The following MUC3A variants were observed in gnomAD, a reference collection of about 807,000 sequenced individuals.
MUC3A encodes mucin-3A.
Under a neutral mutation model 109.0 loss-of-function variants are expected in MUC3A, and 109 were observed. That is an observed-to-expected ratio of 1.00 (90% CI 0.86 to 1.17). The LOEUF is 1.17. Among genes scored for constraint, MUC3A ranks in the 50% most tolerant of loss-of-function variants. MUC3A has a pLI of 0.00. For missense variants in MUC3A, 3,537 were observed against 2,469.4 expected, an observed-to-expected ratio of 1.43 and a Z score of -9.16; for synonymous variants, 1,398 against 981.4, an observed-to-expected ratio of 1.42 and a Z score of -7.93.
chr7:100,957,426 G>T lies in MUC3A; in HGVS notation c.5647G>T (p.Val1883Leu). 1.3e-6 allele frequency: 1 copy of T among 787,140 alleles called. No homozygotes were observed. Among genetic ancestry groups the T allele is most frequent in the South Asian group, 3.6e-5 (1 of 27,876 alleles). 48.8% of individuals were successfully genotyped at this position (787,140 alleles called of 1,614,324 possible). Reference sequence around the variant, plus strand: ...CACCTCTTCCTCTCTCCTCACCACAGTAACAGCCACAGTTCCAACAACAAA... The same window carrying T: ...CACCTCTTCCTCTCTCCTCACCACATTAACAGCCACAGTTCCAACAACAAA... The part of the protein sequence containing the change: ...RPTSSSLLTT[V>L]TATVPTTNLV... The change falls in exon 2 of 12, where the codon GTA (valine) becomes TTA (leucine). Residue 1883 changes from valine to leucine, a missense_variant. By Grantham distance (32) the Val-to-Leu change is conservative. Transcript: ENST00000379458.
chr7:100,964,288 T>A (rs1238272521), intron 5 of MUC3A: 3 of 154,126 alleles, frequency 1.9e-5, no homozygotes, highest in Non-Finnish European at 4.3e-5. Flanking sequence ...AAAATAGTAA[T>A]AATAATAATA....
At chr7:100,964,265 C>T (rs1338429941) in intron 5 of MUC3A, 2 of 169,646 alleles carry the variant, frequency 1.2e-5, no homozygotes, top group Non-Finnish European at 2.5e-5. Context: ...GAGAACCCAT[C>T]CCTACAACAG....
At position 100,960,368 on chromosome 7, in the gene MUC3A, T is replaced by G. The variant is rs1320581421; in HGVS notation, c.8589T>G (p.Ser2863Arg). Residue 2863 changes from serine (S) to arginine (R), a missense_variant, in exon 2 of 12, where the codon AGT becomes AGG. Coordinates refer to ENST00000379458, the MANE Select transcript of MUC3A (RefSeq NM_005960.2). ...GTVPTNTVFT[S>R]TRLPTSETWL... The stretch of plus-strand genomic sequence containing the variant: ...TACCCACAAACACAGTTTTCACAAG[T>G]ACTCGACTGCCCACCAGTGAGACCT... The G allele has an allele frequency of 1.8e-5, 29 of 1,598,424 alleles. No homozygotes were observed. The highest frequency in any genetic ancestry group is 2.5e-5 in the Non-Finnish European group (29 of 1,179,838).
Position 100,965,747 on chromosome 7 carries a change from C to T in MUC3A, c.9492C>T (p.Tyr3164=), listed in dbSNP as rs772215445. The T allele has an allele frequency of 3.1e-5, 50 of 1,598,244 alleles. No homozygotes were observed. Among genetic ancestry groups the T allele is most frequent in the Non-Finnish European group, 4.0e-5 (47 of 1,179,722 alleles). The change falls in exon 8 of 12, where the codon TAC becomes TAT. Residue 3164 remains tyrosine (Y), a synonymous_variant. Transcript: ENST00000379458. ...CTCCCACGGGCTATGAAGAGTTCTACTTCCCCTTGGTGGAGGCCACCCGGC... is the reference window on the plus strand; with the variant it reads ...CTCCCACGGGCTATGAAGAGTTCTATTTCCCCTTGGTGGAGGCCACCCGGC... ...RAAPTGYEEF[Y]FPLVEATRLR... is the part of the protein sequence containing the mutation.
chr7:100,966,035 T>A, intron 8 of MUC3A, 169 bp downstream of exon 8: 1 of 1,150,234 alleles, frequency 8.7e-7, no homozygotes, highest in Non-Finnish European at 1.2e-6. Flanking sequence ...AGCCCTGCCC[T>A]GGAGCTCTGC....
chr7:100,966,616 G>A (rs776715243), intron 9 of MUC3A, 36 bp from the exon 10 acceptor site: 6 of 1,598,312 alleles, frequency 3.8e-6, no homozygotes, highest in Middle Eastern at 3.3e-4. Context: ...TCCCAGGCGG[G>A]CCGGCTCTGT....
rs1480061376 is a variant in MUC3A at position 100,959,045 on chromosome 7, T to C, written c.7266T>C (p.Ser2422=). 1.3e-6 allele frequency: 2 copies of C among 1,590,524 alleles called. No individual in the cohort carries two copies. Among genetic ancestry groups the C allele is most frequent in the South Asian group, 2.2e-5 (2 of 90,038 alleles). Residue 2422 remains serine, a synonymous_variant, in exon 2 of 12, where the codon AGT becomes AGC. Transcript: ENST00000379458. ...SITTTETTSH[S]TPGFTSSITT... ...CCACCACTGAGACTACCTCACACAG[T>C]ACTCCTGGCTTCACTTCTTCAATCA...
chr7:100,966,249 AG>A (rs1792546874), intron 8 of MUC3A, 136 bp from the exon 9 acceptor site: 6 of 555,172 alleles, frequency 1.1e-5, no homozygotes, highest in Non-Finnish European at 1.6e-5. Context: ...GTGGATTCCC[AG>A]CCCCTTGTCT....
chr7:100,958,343 C>G lies in MUC3A; in HGVS notation c.6564C>G (p.Phe2188Leu), dbSNP rs1239290362. The G allele has an allele frequency of 2.2e-6, 1 of 446,196 alleles. No individual in the cohort carries two copies. The highest frequency in any genetic ancestry group is 3.8e-6 in the Non-Finnish European group (1 of 266,262). The allele number at this position is 446,196 out of a possible 1,614,324, so 27.6% of individuals were successfully genotyped here. Reference protein sequence around the residue: ...TETTSYSTPSFTSSNTITETT... With the variant: ...TETTSYSTPSLTSSNTITETT... The stretch of plus-strand genomic sequence containing the variant: ...CCACATCCTACAGTACTCCCAGCTT[C>G]ACTTCTTCAAATACCATCACTGAGA... Residue 2188 changes from phenylalanine (F) to leucine (L), a missense_variant, in exon 2 of 12, where the codon TTC becomes TTG. Phe to Leu is a conservative substitution (Grantham distance 22). Transcript: ENST00000379458.
Position 100,960,046 on chromosome 7 carries a change from C to A in MUC3A, c.8267C>A (p.Thr2756Asn), listed in dbSNP as rs775824226. 7 of 1,510,156 alleles carry A rather than the reference C, an allele frequency of 4.6e-6. No homozygotes were observed. The highest frequency in any genetic ancestry group is 1.4e-5 in the African/African-American group (1 of 71,910). 93.5% of individuals were successfully genotyped at this position (1,510,156 alleles called of 1,614,324 possible). The change falls in exon 2 of 12, where the codon ACC becomes AAC. Residue 2756 changes from threonine to asparagine, a missense_variant. Physicochemically the swap from Thr to Asn is moderately conservative, Grantham distance 65. Coordinates refer to ENST00000379458, the MANE Select transcript of MUC3A (RefSeq NM_005960.2). ...CTGACCACAGCTCTCACTGAAATAA[C>A]CCCCTTTTCTTATATTTCCCTTCCC... ...SSLTTALTEI[T>N]PFSYISLPST... is the part of the protein sequence containing the mutation.
In MUC3A at chr7:100,960,864, T is replaced by C; in HGVS notation, c.8979T>C (p.Asp2993=). The C allele has an allele frequency of 6.3e-7, 1 of 1,598,542 alleles. No homozygotes were observed. Among genetic ancestry groups the C allele is most frequent in the African/African-American group, 1.3e-5 (1 of 75,086 alleles). Residue 2993 remains aspartate (D), a synonymous_variant, in exon 3 of 12, where the codon GAT becomes GAC. Transcript: ENST00000379458. ...GATGCCAGAATGGGGGTCAGTGGGA[T>C]GGCCTCAAATGCCAGTGCCCCAGCA... ...QTRCQNGGQW[D]GLKCQCPSTF...
At chr7:100,963,801 G>A (rs1375777400) in intron 5 of MUC3A, 49 bp downstream of exon 5, 2 of 1,596,856 alleles carry the variant, frequency 1.3e-6, no homozygotes, top group Non-Finnish European at 1.7e-6. Context: ...TGGGGGAAAT[G>A]TGCGCACACA....
At chr7:100,949,949 G>A (rs1445475500) in intron 1 of MUC3A, among the ~76,000 whole-genome samples, 1 of 152,386 alleles carries the variant, frequency 6.6e-6, no homozygotes, top group East Asian at 1.9e-4. Flanking sequence ...ACCAAGCACT[G>A]AGCAGGTTGC....
Position 100,960,457 on chromosome 7 carries a change from T to A in MUC3A, c.8678T>A (p.Met2893Lys), listed in dbSNP as rs375454741. The A allele has an allele frequency of 6.3e-7, 1 of 1,598,630 alleles. No homozygotes were observed. Among genetic ancestry groups the A allele is most frequent in the Non-Finnish European group, 8.5e-7 (1 of 1,179,820 alleles). ...LPGVSTIPLT[M>K]KPSSSLPTIL... is the part of the protein sequence containing the mutation. ...GGCGTCTCTACCATCCCGCTCACCATGAAACCAAGCAGTAGCCTCCCGACC... is the reference window on the plus strand; with the variant it reads ...GGCGTCTCTACCATCCCGCTCACCAAGAAACCAAGCAGTAGCCTCCCGACC... The change falls in exon 2 of 12, where the codon ATG becomes AAG. Residue 2893 changes from methionine to lysine, a missense_variant. Met to Lys is a moderately conservative substitution (Grantham distance 95, BLOSUM62 -1). Coordinates refer to ENST00000379458, the MANE Select transcript of MUC3A (RefSeq NM_005960.2).
chr7:100,965,326 A>G lies in MUC3A; in HGVS notation c.9427A>G (p.Lys3143Glu). Residue 3143 changes from lysine (K) to glutamate (E), a missense_variant, in exon 7 of 12, where the codon AAG becomes GAG. Lys to Glu is a moderately conservative substitution (Grantham distance 56). Transcript: ENST00000379458. ...CTCCATCAAGGTGAACAACAACAGC[A>G]AGACAGAGCTGACCCCGGCAGGTAA... The part of the protein sequence containing the change: ...PDSIKVNNNS[K>E]TELTPAAICR... 6.3e-7 allele frequency: 1 copy of G among 1,599,126 alleles called. No homozygotes were observed. Among genetic ancestry groups the G allele is most frequent in the Non-Finnish European group, 8.5e-7 (1 of 1,179,700 alleles).
chr7:100,954,675 G>C lies in MUC3A; in HGVS notation c.2896G>C (p.Val966Leu), dbSNP rs1217094352. ...STMMEPPSST[V>L]STTGRGQTTF... ...AATGATGGAACCACCTTCATCCACT[G>C]TATCAACTACAGGCAGAGGTCAGAC... is the stretch of plus-strand genomic sequence containing the variant. Residue 966 changes from valine to leucine, a missense_variant, in exon 2 of 12, where the codon GTA becomes CTA. By Grantham distance (32) the Val-to-Leu change is conservative. Coordinates refer to ENST00000379458, the MANE Select transcript of MUC3A (RefSeq NM_005960.2). 3 of 400,316 alleles carry C rather than the reference G, an allele frequency of 7.5e-6. No individual in the cohort carries two copies. The highest frequency in any genetic ancestry group is 4.4e-6 in the Non-Finnish European group (1 of 227,450). The allele number at this position is 400,316 out of a possible 1,614,324, so 24.8% of individuals were successfully genotyped here. A position where few individuals can be genotyped will look rare whatever the true frequency, so the allele number is the denominator to read the frequency against.
In MUC3A at chr7:100,951,850, C is replaced by G. The variant is rs370573856; in HGVS notation, c.71C>G (p.Ser24Cys). The change falls in exon 2 of 12, where the codon TCC becomes TGC. Residue 24 changes from serine to cysteine, a missense_variant. Coordinates refer to ENST00000379458, the MANE Select transcript of MUC3A (RefSeq NM_005960.2). ...KASPWATGTL[S>C]TATSISQVPF... ...TCTGCCGCCAATGCAGGAACTTTAT[C>G]CACGGCCACATCCATCTCTCAAGTG... The G allele has an allele frequency of 6.3e-7, 1 of 1,596,266 alleles. No homozygotes were observed. Among genetic ancestry groups the G allele is most frequent in the South Asian group, 1.1e-5 (1 of 91,060 alleles).
Position 100,968,014 on chromosome 7 carries a change from CTTTATTCTCCA to C in MUC3A, c.*853_*863del, listed in dbSNP as rs1584816927. ...CCCCCCATCACCCTGCTGCCCAATT[CTTTATTCTCCA>C]CCCCTTTCTCTCACCCCTGGAGCCC... On this transcript the variant is annotated 3_prime_UTR_variant, in exon 12 of 12. Coordinates refer to ENST00000379458, the MANE Select transcript of MUC3A (RefSeq NM_005960.2). 1.2e-4 allele frequency: 14 copies of C among 113,602 alleles called. No homozygotes were observed. The highest frequency in any genetic ancestry group is 8.2e-4 in the South Asian group (3 of 3,654). The allele number at this position is 113,602 out of a possible 1,614,324, so 7.0% of individuals were successfully genotyped here. A position where few individuals can be genotyped will look rare whatever the true frequency, so the allele number is the denominator to read the frequency against.
At position 100,967,506 on chromosome 7, in the gene MUC3A, G is replaced by T. The variant is rs1792644631; in HGVS notation, c.*344G>T. The stretch of plus-strand genomic sequence containing the variant: ...CTTGGTCAATTCTCGGTCCTACTCT[G>T]CCCTCCCGTCTCAGCCCTCGTGTTG... On this transcript the variant is annotated 3_prime_UTR_variant, in exon 12 of 12. Transcript: ENST00000379458. The T allele has an allele frequency of 1.9e-6, 1 of 517,070 alleles. No individual in the cohort carries two copies. The highest frequency in any genetic ancestry group is 3.4e-6 in the Non-Finnish European group (1 of 291,904). 32.0% of individuals were successfully genotyped at this position (517,070 alleles called of 1,614,324 possible).
Sources: allele counts gnomAD v4.1 joint callset (sites outside exome capture counted in the v4.1 genomes callset), GRCh38; gene constraint gnomAD v4.1.1; transcripts MANE v1.5; gene names NCBI Gene and HGNC (gene_info 2026-07-23, HGNC 2026-07-21).